Variants in STK32A observed in about 807,000 individuals in gnomAD.
The protein encoded by STK32A is serine/threonine-protein kinase 32A.
Under a neutral mutation model 53.2 loss-of-function variants are expected in STK32A, and 41 were observed. That is an observed-to-expected ratio of 0.77 (90% CI 0.60 to 1.00). The LOEUF is 1.00. Among genes scored for constraint, STK32A ranks in the 50% least tolerant of loss-of-function variants. The probability of loss-of-function intolerance (pLI) is 0.00; values close to 1 mark genes in which losing one functional copy is unlikely to be tolerated. For missense variants in STK32A, 458 were observed against 485.8 expected (o/e 0.94, Z 0.54); for synonymous variants, 166 against 162.8 (o/e 1.02, Z -0.15).
intron 4 of STK32A, among the ~76,000 whole-genome samples, chr5:147,291,119 A>C (rs2151960966): frequency 6.6e-6 from 1 of 152,202 alleles, no homozygotes; most frequent in Non-Finnish European, 1.5e-5. Context: ...GTTTCTCTAA[A>C]CCTAATAAAT....
At chr5:147,257,811 A>G (rs1330658236) in intron 2 of STK32A, among the ~76,000 whole-genome samples, 1 of 152,146 alleles carries the variant, frequency 6.6e-6, no homozygotes, top group Non-Finnish European at 1.5e-5. Context: ...AAAGACTTTT[A>G]GTTTTGAGGG....
chr5:147,313,777 G>A (rs1753820188), intron 4 of STK32A, among the ~76,000 whole-genome samples: 1 of 152,198 alleles, frequency 6.6e-6, no homozygotes, highest in Non-Finnish European at 1.5e-5. Context: ...CATATTTCCA[G>A]TCAATTGACT....
chr5:147,280,133 C>G (rs1295585535), intron 4 of STK32A, among the ~76,000 whole-genome samples: 6 of 152,056 alleles, frequency 3.9e-5, no homozygotes, highest in Non-Finnish European at 8.8e-5. Flanking sequence ...CACAAGCAGG[C>G]CATTCCTGCC....
At chr5:147,328,185 A>G (rs1186590847) in intron 5 of STK32A, among the ~76,000 whole-genome samples, 1 of 152,214 alleles carries the variant, frequency 6.6e-6, no homozygotes, top group Non-Finnish European at 1.5e-5. Flanking sequence ...TAGCAAGAGG[A>G]GCTCAATGGA....
At chr5:147,369,840 G>T (rs17106572) in intron 8 of STK32A, among the ~76,000 whole-genome samples, 3 of 152,050 alleles carry the variant, frequency 2.0e-5, no homozygotes, top group Non-Finnish European at 2.9e-5. Flanking sequence ...TTGGTCTCAT[G>T]AACAAGAATG....
chr5:147,252,222 G>T, intron 2 of STK32A, among the ~76,000 whole-genome samples: 1 of 151,920 alleles, frequency 6.6e-6, no homozygotes, highest in Non-Finnish European at 1.5e-5. Flanking sequence ...CATTTTTTAG[G>T]TCAACTTAAT....
In STK32A at chr5:147,251,388, G is replaced by A. The variant is rs189814186; in HGVS notation, c.52+11702G>A. 5.3e-5 allele frequency among the ~76,000 whole-genome samples: 8 copies of A among 152,184 alleles called. No individual in the cohort carries two copies. In the South Asian group the frequency reaches 6.2e-4, roughly 12 times the overall value. On this transcript the variant is annotated intron_variant, in intron 2 of 12. Transcript: ENST00000397936. Reference sequence around the variant, plus strand: ...TTAGGGAGTGTTGGCAGAGATTGTCGAACAACCATAATGCATTTTATCATT... The same window carrying A: ...TTAGGGAGTGTTGGCAGAGATTGTCAAACAACCATAATGCATTTTATCATT...
rs535178477 is a variant in STK32A at position 147,285,607 on chromosome 5, T to C, written c.260+6209T>C. Reference sequence around the variant, plus strand: ...AAGTAAATCAGTAAGGAAAAAACAATCCTATCAAAAAGTGGGCTAAGGACA... The same window carrying C: ...AAGTAAATCAGTAAGGAAAAAACAACCCTATCAAAAAGTGGGCTAAGGACA... On this transcript the variant is annotated intron_variant, in intron 4 of 12. Transcript: ENST00000397936. Among the ~76,000 whole-genome samples the C allele has an allele frequency of 6.6e-5, 10 of 151,768 alleles. No individual in the cohort carries two copies. In the East Asian group the frequency reaches 1.9e-3, roughly 29 times the overall value.
chr5:147,332,984 G>T (rs367980916), intron 5 of STK32A, among the ~76,000 whole-genome samples: 1 of 152,190 alleles, frequency 6.6e-6, no homozygotes, highest in South Asian at 2.1e-4. Flanking sequence ...TAGACTGGCA[G>T]AGCTTTTAAT....
chr5:147,375,981 C>T (rs2152005733), intron 11 of STK32A: 1 of 152,258 alleles, frequency 6.6e-6, no homozygotes, highest in Admixed American at 6.5e-5. Flanking sequence ...TCCCTCCATC[C>T]ATTCATTTAG....
chr5:147,240,307 A>C (rs1753514598), intron 2 of STK32A: 1 of 152,300 alleles, frequency 6.6e-6, no homozygotes, highest in African/African-American at 2.4e-5. Flanking sequence ...CCTATATGTT[A>C]AGTCTGAACA....
chr5:147,374,863 C>T (rs17106575), intron 10 of STK32A, among the ~76,000 whole-genome samples: 11,230 of 152,124 alleles, frequency 0.074, 1,135 homozygotes, highest in African/African-American at 0.21. Context: ...AACTGTAAGT[C>T]GGCTTTTGTT....
At chr5:147,366,964 G>A (rs1756777338) in intron 8 of STK32A, among the ~76,000 whole-genome samples, 1 of 151,118 alleles carries the variant, frequency 6.6e-6, no homozygotes, top group African/African-American at 2.4e-5. Context: ...TAAATCTATA[G>A]GCATATCAAT....
At chr5:147,256,479 C>A (rs1580996064) in intron 2 of STK32A, among the ~76,000 whole-genome samples, 2 of 152,194 alleles carry the variant, frequency 1.3e-5, no homozygotes, top group Admixed American at 6.5e-5. Context: ...GTCTTAGTTG[C>A]CAAAGTTTGC....
In STK32A at chr5:147,260,196, TCTCTC is replaced by T. The variant is rs1169796563; in HGVS notation, c.53-17922_53-17918del. 1.0e-3 allele frequency among the ~76,000 whole-genome samples: 62 copies of T among 61,080 alleles called. 1 individual carries two copies. Among genetic ancestry groups the T allele is most frequent in the African/African-American group, 4.4e-3 (58 of 13,150 alleles). The allele number at this position is 61,080 out of a possible 152,430, so 40.1% of individuals were successfully genotyped here. On this transcript the variant is annotated intron_variant, in intron 2 of 12. Transcript: ENST00000397936. ...CTCTCTCTCCTCTCTCTCTCCTCTCTCTCTCCTCTCTCTCTCCTCTCTCTCTCTCT... is the reference window on the plus strand; with the variant it reads ...CTCTCTCTCCTCTCTCTCTCCTCTCTCTCTCTCTCTCCTCTCTCTCTCTCT...
At chr5:147,374,112 G>A (rs186469414) in intron 10 of STK32A, among the ~76,000 whole-genome samples, 47 of 151,902 alleles carry the variant, frequency 3.1e-4, no homozygotes, top group Admixed American at 8.5e-4. Context: ...TGGCAAGACC[G>A]TGTCTCTACA....
At chr5:147,313,967 C>A (rs567020062) in intron 4 of STK32A, among the ~76,000 whole-genome samples, 4 of 152,104 alleles carry the variant, frequency 2.6e-5, no homozygotes, top group Admixed American at 2.0e-4. Context: ...GTATAAAATT[C>A]TTCGAAGAAA....
At chr5:147,236,305 C>T (rs1753315902) in intron 1 of STK32A, among the ~76,000 whole-genome samples, 1 of 152,116 alleles carries the variant, frequency 6.6e-6, no homozygotes, top group Non-Finnish European at 1.5e-5. Flanking sequence ...AATTTCTCCT[C>T]CTTTTACATT....
At chr5:147,263,495 G>T (rs1276437665) in intron 2 of STK32A, among the ~76,000 whole-genome samples, 1 of 151,980 alleles carries the variant, frequency 6.6e-6, no homozygotes, top group Non-Finnish European at 1.5e-5. Flanking sequence ...TATAAGAAAG[G>T]TAAGAGAAAG....
Sources: allele counts gnomAD v4.1 joint callset (sites outside exome capture counted in the v4.1 genomes callset), GRCh38; gene constraint gnomAD v4.1.1; transcripts MANE v1.5; gene names NCBI Gene and HGNC (gene_info 2026-07-23, HGNC 2026-07-21).